Variants in DOP1A observed in about 807,000 individuals in gnomAD.
The protein encoded by DOP1A is protein DOP1A.
A neutral mutation model predicts 267.6 loss-of-function variants in DOP1A; 90 were observed. The observed-to-expected ratio is 0.34, with a 90% CI of 0.28 to 0.40. The LOEUF (loss-of-function observed/expected upper bound fraction) is 0.40, where lower values mean the gene tolerates loss of function less well. Among genes scored for constraint, DOP1A ranks in the 10% least tolerant of loss-of-function variants. The probability of loss-of-function intolerance (pLI) is 1.00; values close to 1 mark genes in which losing one functional copy is unlikely to be tolerated. For synonymous variants in DOP1A, 932 were observed against 999.1 expected, an observed-to-expected ratio of 0.93 and a Z score of 1.27; for missense variants, 2,437 against 2,900.4, an observed-to-expected ratio of 0.84 and a Z score of 3.67.
At chr6:83,105,356 CTTTTTTTTTTTTTTTTTT>C (rs70987733) in intron 4 of DOP1A, among the ~76,000 whole-genome samples, 1 of 65,892 alleles carries the variant, frequency 1.5e-5, no homozygotes, top group African/African-American at 5.5e-5. Context: ...GGATGTCTTT[CTTTTTTTTTTTTTTTTTT>C]TTTTTTTTTT....
chr6:83,138,442 A>G lies in DOP1A; in HGVS notation c.4400A>G (p.His1467Arg). The change falls in exon 21 of 39, where the codon CAT becomes CGT. Residue 1467 changes from histidine (H) to arginine (R), a missense_variant. Transcript: ENST00000349129. Reference sequence around the variant, plus strand: ...CTCTGCTTATATTACATGCGTAGCCATTACCCAACTCATGTCAAGGTTACT... The same window carrying G: ...CTCTGCTTATATTACATGCGTAGCCGTTACCCAACTCATGTCAAGGTTACT... ...ISLCLYYMRS[H>R]YPTHVKVTAQ... 1 of 1,612,522 alleles carries G rather than the reference A, an allele frequency of 6.2e-7. No homozygotes were observed. The highest frequency in any genetic ancestry group is 8.5e-7 in the Non-Finnish European group (1 of 1,179,866).
downstream of DOP1A, chr6:83,170,460 T>C (rs919274133): frequency 1.2e-6 from 2 of 1,613,980 alleles, no homozygotes; most frequent in African/African-American, 1.3e-5. Flanking sequence ...GTAGTGCTAA[T>C]AACTCTCCTG....
intron 24 of DOP1A, 75 bp from the exon 25 acceptor site, chr6:83,145,448 TA>T: frequency 7.8e-7 from 1 of 1,275,360 alleles, no homozygotes; most frequent in Non-Finnish European, 1.1e-6. Flanking sequence ...GAAGAGATCA[TA>T]AAATACTCTC....
At chr6:83,072,680 A>C (rs573600002) in intron 1 of DOP1A, among the ~76,000 whole-genome samples, 1 of 152,248 alleles carries the variant, frequency 6.6e-6, no homozygotes, top group Non-Finnish European at 1.5e-5. Context: ...TGAATTATAC[A>C]GGTAAATAGC....
Position 83,113,426 on chromosome 6 carries a change from AATATT to A in DOP1A, c.780+7_780+11del. The A allele has an allele frequency of 6.2e-7, 1 of 1,610,630 alleles. No individual in the cohort carries two copies. Among genetic ancestry groups the A allele is most frequent in the Non-Finnish European group, 8.5e-7 (1 of 1,177,016 alleles). On this transcript the variant is annotated splice_donor_region_variant and intron_variant, in intron 7 of 38. Transcript: ENST00000349129. ...TTTCCATTCCACATGAGTCAGGTAA[AATATT>A]AACGCCGATGTTATTATAAGGCATT...
At chr6:83,076,420 G>C (rs1039441543) in intron 1 of DOP1A, among the ~76,000 whole-genome samples, 16 of 152,130 alleles carry the variant, frequency 1.1e-4, no homozygotes, top group Non-Finnish European at 1.9e-4. Context: ...TATTCAGGAG[G>C]CTGAGGCAAG....
Position 83,140,281 on chromosome 6 carries a change from C to T in DOP1A, c.5293C>T (p.Leu1765Phe), listed in dbSNP as rs1779404604. Residue 1765 changes from leucine to phenylalanine, a missense_variant, in exon 23 of 39, where the codon CTT (leucine) becomes TTT (phenylalanine). Physicochemically the swap from Leu to Phe is conservative, Grantham distance 22. Transcript: ENST00000349129. ...FEARSGILSI[L>F]HMIMSSVTLL... ...AGCACGCAGTGGAATCCTCTCAATC[C>T]TTCATATGATCATGTCCTCTGTGAC... 1 of 1,613,634 alleles carries T rather than the reference C, an allele frequency of 6.2e-7. No homozygotes were observed. The highest frequency in any genetic ancestry group is 8.5e-7 in the Non-Finnish European group (1 of 1,179,900).
intron 8 of DOP1A, 52 bp downstream of exon 8, chr6:83,119,039 T>C: frequency 6.6e-7 from 1 of 1,507,984 alleles, no homozygotes; most frequent in Non-Finnish European, 9.2e-7. Context: ...GAGGGAGATT[T>C]GTCATGTATA....
intron 1 of DOP1A, among the ~76,000 whole-genome samples, chr6:83,085,564 G>A (rs962101400): frequency 1.3e-5 from 2 of 152,088 alleles, no homozygotes; most frequent in Non-Finnish European, 2.9e-5. Flanking sequence ...GTAGAGAATA[G>A]CAAGAACAAA....
At position 83,138,969 on chromosome 6, in the gene DOP1A, G is replaced by C; in HGVS notation, c.4927G>C (p.Ala1643Pro). 6.2e-7 allele frequency: 1 copy of C among 1,614,082 alleles called. No homozygotes were observed. The highest frequency in any genetic ancestry group is 8.5e-7 in the Non-Finnish European group (1 of 1,179,962). Reference protein sequence around the residue: ...PITCQGMFLCAVIRALHQHCA... With the variant: ...PITCQGMFLCPVIRALHQHCA... ...CACATGTCAAGGCATGTTCCTCTGT[G>C]CAGTGATACGAGCTTTGCATCAGCA... Residue 1643 changes from alanine (A) to proline (P), a missense_variant, in exon 21 of 39, where the codon GCA becomes CCA. Physicochemically the swap from Ala to Pro is conservative, Grantham distance 27. This residue lies in a region of DOP1A where 307 missense variants were observed against 308.6 expected (regional missense o/e 0.99). Transcript: ENST00000349129.
chr6:83,130,271 AAAC>A lies in DOP1A; in HGVS notation c.2492_2494del (p.Asn831del). On this transcript the variant is annotated inframe_deletion, in exon 17 of 39. Transcript: ENST00000349129. ...AGTCTGTGGCCATGGTCACTGGGGA[AAAC>A]ATCAACAGTGTAGAGCCTGCACAAC... The A allele has an allele frequency of 6.2e-7, 1 of 1,614,090 alleles. No homozygotes were observed. The highest frequency in any genetic ancestry group is 8.5e-7 in the Non-Finnish European group (1 of 1,179,986).
At chr6:83,123,513 C>A (rs993718536) in intron 12 of DOP1A, among the ~76,000 whole-genome samples, 2 of 152,028 alleles carry the variant, frequency 1.3e-5, no homozygotes, top group African/African-American at 2.4e-5. Context: ...CAGATCCTCT[C>A]AACCAGATTA....
rs1786201086 is a variant in DOP1A at position 83,167,887 on chromosome 6, G to A, written c.7118G>A (p.Gly2373Glu). Residue 2373 changes from glycine (G) to glutamate (E), a missense_variant, in exon 39 of 39, where the codon GGG becomes GAG. By Grantham distance (98) the Gly-to-Glu change is moderately conservative. Coordinates refer to ENST00000349129, the MANE Select transcript of DOP1A (RefSeq NM_015018.4). ...AKKNPEEDNS[G>E]RTLGWEPGHL... ...AAAAATCCAGAGGAAGACAACTCAG[G>A]GAGAACATTGGGTTGGGAGCCAGGG... is the stretch of plus-strand genomic sequence containing the variant. 1 of 1,611,294 alleles carries A rather than the reference G, an allele frequency of 6.2e-7. No homozygotes were observed. The highest frequency in any genetic ancestry group is 1.3e-5 in the African/African-American group (1 of 74,964).
chr6:83,139,115 T>C lies in DOP1A; in HGVS notation c.5073T>C (p.Asp1691=). Residue 1691 remains aspartate, a synonymous_variant, in exon 21 of 39, where the codon GAT becomes GAC. Coordinates refer to ENST00000349129, the MANE Select transcript of DOP1A (RefSeq NM_015018.4). ...CACTACAACTGTGCAGAAATTTAGA[T>C]AATCTAATTCAGCAGTACAAATACG... ...SVTLQLCRNL[D]NLIQQYKYET... is the part of the protein sequence containing the mutation. 2 of 1,613,902 alleles carry C rather than the reference T, an allele frequency of 1.2e-6. No individual in the cohort carries two copies. Among genetic ancestry groups the C allele is most frequent in the Non-Finnish European group, 1.7e-6 (2 of 1,179,836 alleles).
In DOP1A at chr6:83,112,723, A is replaced by G. The variant is rs1241996438; in HGVS notation, c.682-600A>G. On this transcript the variant is annotated intron_variant, in intron 6 of 38. Transcript: ENST00000349129. Reference sequence around the variant, plus strand: ...AGTGATCTACCCACCTTAGCCTCCCAAAGTGCTGGGATTGCAGGCGTGAGC... The same window carrying G: ...AGTGATCTACCCACCTTAGCCTCCCGAAGTGCTGGGATTGCAGGCGTGAGC... 1.3e-5 allele frequency among the ~76,000 whole-genome samples: 2 copies of G among 152,182 alleles called. 1 individual carries two copies. The highest frequency in any genetic ancestry group is 4.8e-5 in the African/African-American group (2 of 41,446).
chr6:83,124,882 T>G (rs1776908144), intron 13 of DOP1A, 63 bp downstream of exon 13: 2 of 1,327,256 alleles, frequency 1.5e-6, no homozygotes, highest in East Asian at 4.6e-5. Flanking sequence ...ATATTTCGTG[T>G]TGTAGGCAAG....
At position 83,130,204 on chromosome 6, in the gene DOP1A, G is replaced by C; in HGVS notation, c.2423G>C (p.Ser808Thr). 1 of 1,614,126 alleles carries C rather than the reference G, an allele frequency of 6.2e-7. No individual in the cohort carries two copies. The change falls in exon 17 of 39, where the codon AGT (serine) becomes ACT (threonine). Residue 808 changes from serine to threonine, a missense_variant. Physicochemically the swap from Ser to Thr is moderately conservative, Grantham distance 58 (BLOSUM62 1). Around this residue, in one of 9 missense-constraint regions of DOP1A, gnomAD observed 878 missense variants for 992.9 expected, o/e 0.88. Coordinates refer to ENST00000349129, the MANE Select transcript of DOP1A (RefSeq NM_015018.4). ...CAAGCAAGTGATTTCAGTGTTCAGA[G>C]TGTTGCTATTTCACTAGTTATGGAC... ...CSQASDFSVQ[S>T]VAISLVMDLV...
intron 37 of DOP1A, 87 bp downstream of exon 37, chr6:83,160,047 T>C (rs1783863027): frequency 3.1e-6 from 4 of 1,297,658 alleles, no homozygotes; most frequent in Non-Finnish European, 4.3e-6. Flanking sequence ...AAAAAGTTTT[T>C]TGTGTAAGTT....
At chr6:83,145,721 T>C (rs1780541285) in intron 25 of DOP1A, 63 bp downstream of exon 25, 2 of 1,459,072 alleles carry the variant, frequency 1.4e-6, no homozygotes, top group Non-Finnish European at 1.9e-6. Flanking sequence ...GCTGGTAAGA[T>C]TTTTTTTTGT....
Sources: allele counts gnomAD v4.1 joint callset (sites outside exome capture counted in the v4.1 genomes callset), GRCh38; gene constraint gnomAD v4.1.1; regional missense constraint gnomAD v4.1.1; transcripts MANE v1.5; gene names NCBI Gene and HGNC (gene_info 2026-07-23, HGNC 2026-07-21).